The following KLHL22 variants were observed in gnomAD, a reference collection of about 807,000 sequenced individuals.
The protein encoded by KLHL22 is kelch-like protein 22.
KLHL22 carries 18 observed loss-of-function variants against 60.7 expected under a neutral mutation model. That is an observed-to-expected ratio of 0.30 (90% CI 0.20 to 0.44). The LOEUF is 0.44. Among genes scored for constraint, KLHL22 ranks in the 20% least tolerant of loss-of-function variants. The pLI is 1.00. For synonymous variants in KLHL22, 355 were observed against 354.5 expected (o/e 1.00, Z -0.01); for missense variants, 596 against 852.3 (o/e 0.70, Z 3.74).
intron 3 of KLHL22, among the ~76,000 whole-genome samples, chr22:20,467,880 G>A (rs1319151205): frequency 2.6e-5 from 4 of 152,136 alleles, no homozygotes; most frequent in Non-Finnish European, 5.9e-5. Context: ...GGATGGTCTC[G>A]ATCTCCTGAC....
intron 2 of KLHL22, among the ~76,000 whole-genome samples, chr22:20,477,955 C>A (rs1267867230): frequency 6.6e-6 from 1 of 152,094 alleles, no homozygotes; most frequent in Non-Finnish European, 1.5e-5. Flanking sequence ...CTTAGAGAGG[C>A]GAACTGAAGT....
rs1431572955 is a variant in KLHL22 at position 20,464,797 on chromosome 22, C to T, written c.1112+61G>A. ...GGGAACCTGACCAGCTCTCTCAGCC[C>T]ATGACTTCCACACCCTCTCATCACC... On this transcript the variant is annotated intron_variant, in intron 4 of 6. Transcript: ENST00000328879. 3.8e-6 allele frequency: 4 copies of T among 1,062,904 alleles called. No individual in the cohort carries two copies. The East Asian group carries it at 9.7e-5, about 26-fold the overall frequency. The allele number at this position is 1,062,904 out of a possible 1,614,324, so 65.8% of individuals were successfully genotyped here. A position where few individuals can be genotyped will look rare whatever the true frequency, so the allele number is the denominator to read the frequency against.
At chr22:20,453,717 TTTTA>T (rs1199362831) in intron 5 of KLHL22, among the ~76,000 whole-genome samples, 2 of 152,182 alleles carry the variant, frequency 1.3e-5, no homozygotes, top group African/African-American at 2.4e-5. Flanking sequence ...AAAAAATTTA[TTTTA>T]TTTATTTTGA....
chr22:20,466,556 C>T (rs1052879711), intron 3 of KLHL22, among the ~76,000 whole-genome samples: 2 of 152,118 alleles, frequency 1.3e-5, no homozygotes, highest in Non-Finnish European at 2.9e-5. Flanking sequence ...ACAAACCTGG[C>T]TTTTTCCCCC....
At chr22:20,473,223 G>C (rs62219865) in intron 2 of KLHL22, among the ~76,000 whole-genome samples, 35,548 of 152,084 alleles carry the variant, frequency 0.23, 4,549 homozygotes, top group Non-Finnish European at 0.29. Flanking sequence ...CCTGGGGAGG[G>C]CATTGCAGCT....
chr22:20,454,710 T>C (rs1171031146), intron 5 of KLHL22, among the ~76,000 whole-genome samples: 1 of 152,226 alleles, frequency 6.6e-6, no homozygotes, highest in African/African-American at 2.4e-5. Context: ...AGGAATTCTG[T>C]ATTAATATAT....
At chr22:20,471,964 A>C (rs756633344) in intron 2 of KLHL22, among the ~76,000 whole-genome samples, 2 of 152,176 alleles carry the variant, frequency 1.3e-5, no homozygotes, top group Non-Finnish European at 2.9e-5. Flanking sequence ...GAGCAGAAGG[A>C]GGCCAGGCAC....
intron 4 of KLHL22, among the ~76,000 whole-genome samples, chr22:20,458,759 G>A (rs1023117255): frequency 2.0e-5 from 3 of 151,978 alleles, no homozygotes; most frequent in Non-Finnish European, 2.9e-5. Flanking sequence ...GTCAACAGCC[G>A]CACACACAAG....
At chr22:20,485,069 T>A (rs923193463) in intron 2 of KLHL22, among the ~76,000 whole-genome samples, 1 of 152,148 alleles carries the variant, frequency 6.6e-6, no homozygotes, top group African/African-American at 2.4e-5. Context: ...ATTAATTTTT[T>A]AAAAATAAAA....
At chr22:20,462,137 C>T (rs150400712) in intron 4 of KLHL22, among the ~76,000 whole-genome samples, 29,853 of 151,072 alleles carry the variant, frequency 0.2, 3,845 homozygotes, top group Non-Finnish European at 0.29. Context: ...ATTAGCTGGG[C>T]GTGGTGGTCG....
chr22:20,483,823 G>A, intron 2 of KLHL22: 1 of 739,028 alleles, frequency 1.4e-6, no homozygotes, highest in Non-Finnish European at 2.5e-6. Flanking sequence ...GCTCTGTCCA[G>A]GTAGGAGGCC....
chr22:20,457,458 C>T (rs2053080966), intron 5 of KLHL22, among the ~76,000 whole-genome samples: 1 of 152,152 alleles, frequency 6.6e-6, no homozygotes, highest in Non-Finnish European at 1.5e-5. Flanking sequence ...CCCAGCTCGT[C>T]TCAGCTGCAC....
At chr22:20,475,194 T>C (rs1364669338) in intron 2 of KLHL22, 1 of 151,952 alleles carries the variant, frequency 6.6e-6, no homozygotes, top group African/African-American at 2.4e-5. Flanking sequence ...TTTTTTTTTT[T>C]TTTTTTAAAC....
intron 5 of KLHL22, among the ~76,000 whole-genome samples, chr22:20,457,118 G>C (rs915395115): frequency 6.6e-6 from 1 of 152,022 alleles, no homozygotes; most frequent in African/African-American, 2.4e-5. Flanking sequence ...TCCTTCCCTG[G>C]GATCCCATGT....
In KLHL22 at chr22:20,471,798, C is replaced by T. The variant is rs114768267; in HGVS notation, c.228-283G>A. Among the ~76,000 whole-genome samples the T allele has an allele frequency of 8.3e-3, 1,259 of 152,338 alleles. 27 individuals are homozygous for T. The highest frequency in any genetic ancestry group is 0.028 in the African/African-American group (1,183 of 41,572). On this transcript the variant is annotated intron_variant, in intron 2 of 6. Coordinates refer to ENST00000328879, the MANE Select transcript of KLHL22 (RefSeq NM_032775.4). ...GGGAGGTGAGGCCACAAGCAGCTTGCTTCTGCTGTGTTCATCAGTGCAGTT... is the reference window on the plus strand; with the variant it reads ...GGGAGGTGAGGCCACAAGCAGCTTGTTTCTGCTGTGTTCATCAGTGCAGTT...
At chr22:20,451,564 G>A (rs2052979455) in intron 5 of KLHL22, 1 of 1,596,938 alleles carries the variant, frequency 6.3e-7, no homozygotes, top group Admixed American at 1.7e-5. Context: ...GAGATTTGAT[G>A]GTACAGCCCA....
chr22:20,480,771 T>A (rs2053485253), intron 2 of KLHL22, among the ~76,000 whole-genome samples: 2 of 150,892 alleles, frequency 1.3e-5, no homozygotes, highest in African/African-American at 4.9e-5. Flanking sequence ...ATAATTAGCC[T>A]CGAAAATAAT....
intron 2 of KLHL22, among the ~76,000 whole-genome samples, chr22:20,475,891 T>A (rs1051331310): frequency 6.6e-6 from 1 of 152,222 alleles, no homozygotes; most frequent in Non-Finnish European, 1.5e-5. Flanking sequence ...GCTATCTTTA[T>A]CACATAGGAC....
intron 6 of KLHL22, among the ~76,000 whole-genome samples, chr22:20,443,877 G>T (rs1384699184): frequency 6.6e-6 from 1 of 151,850 alleles, no homozygotes; most frequent in Non-Finnish European, 1.5e-5. Flanking sequence ...GCAAAACCCC[G>T]TCTCTACTAA....
Sources: allele counts gnomAD v4.1 joint callset (sites outside exome capture counted in the v4.1 genomes callset), GRCh38; gene constraint gnomAD v4.1.1; transcripts MANE v1.5; gene names NCBI Gene and HGNC (gene_info 2026-07-23, HGNC 2026-07-21).